Variants in STRC observed in about 807,000 individuals in gnomAD.
The protein encoded by STRC is stereocilin.
STRC carries 43 observed loss-of-function variants against 103.5 expected under a neutral mutation model. That is an observed-to-expected ratio of 0.42 (90% CI 0.33 to 0.54). The LOEUF (loss-of-function observed/expected upper bound fraction) is 0.54, where lower values mean the gene tolerates loss of function less well. Among genes scored for constraint, STRC ranks in the 20% least tolerant of loss-of-function variants. STRC has a pLI of 0.14. For missense variants in STRC, 499 were observed against 1,088.5 expected (o/e 0.46, Z 7.62); for synonymous variants, 186 against 442.3 (o/e 0.42, Z 7.27).
intron 23 of STRC, among the ~76,000 whole-genome samples, chr15:43,602,995 CTG>C (rs754523343): frequency 2.0e-5 from 3 of 151,916 alleles, no homozygotes; most frequent in Non-Finnish European, 4.4e-5. Context: ...AGAAAAAAAT[CTG>C]TTCCCTTGAT....
chr15:43,603,770 G>A (rs1263480833), intron 22 of STRC, among the ~76,000 whole-genome samples: 1 of 151,896 alleles, frequency 6.6e-6, no homozygotes, highest in Non-Finnish European at 1.5e-5. Context: ...GAGCAGACAC[G>A]AGAGAGCAGG....
At chr15:43,606,623 T>C (rs1320361185) in intron 18 of STRC, among the ~76,000 whole-genome samples, 2 of 122,206 alleles carry the variant, frequency 1.6e-5, no homozygotes, top group Non-Finnish European at 3.5e-5. Context: ...AATAAACAAA[T>C]AAATAAATAA....
In STRC at chr15:43,611,097, C is replaced by T. The variant is rs919085228; in HGVS notation, c.3306+51G>A. On this transcript the variant is annotated intron_variant, in intron 13 of 28. Coordinates refer to ENST00000450892, the MANE Select transcript of STRC (RefSeq NM_153700.2). ...TCAGGGAAGATGCCTTCCTCCCAAC[C>T]AGAAAGAGCCGGTATCCCTGATTAT... 5 of 1,521,720 alleles carry T rather than the reference C, an allele frequency of 3.3e-6. 1 individual carries two copies. The highest frequency in any genetic ancestry group is 4.5e-6 in the Non-Finnish European group (5 of 1,109,378). The allele number at this position is 1,521,720 out of a possible 1,614,324, so 94.3% of individuals were successfully genotyped here.
rs187342160 is a variant in STRC at position 43,603,354 on chromosome 15, G to A, written c.4433C>T (p.Thr1478Ile). Residue 1478 changes from threonine to isoleucine, a missense_variant, in exon 23 of 29, where the codon ACC (threonine) becomes ATC (isoleucine). Thr to Ile is a moderately conservative substitution (Grantham distance 89). Coordinates refer to ENST00000450892, the MANE Select transcript of STRC (RefSeq NM_153700.2). ...TGAGAGCTCCATCTCTGCAATCTGG[G>A]TTGCAGACCAGGCTGCTGGGAATGT... ...RGTFPAAWSA[T>I]QIAEMELSDF... 169 of 1,613,700 alleles carry A rather than the reference G, an allele frequency of 1.0e-4. 8 individuals carry two copies. The Admixed American group carries it at 2.8e-3, about 27-fold the overall frequency.
rs372113043 is a variant in STRC, at chr15:43,600,131, T to G, written c.5092-24A>C. 3.7e-6 allele frequency: 6 copies of G among 1,608,202 alleles called. 1 individual carries two copies. The African/African-American group carries it at 5.4e-5, about 14-fold the overall frequency. On this transcript the variant is annotated intron_variant, in intron 27 of 28. Transcript: ENST00000450892. ...ACCTGAGGGCAGGGGTAGGAATCAG[T>G]GCATGCATGTAGTCCCCATTGGGCC... is the stretch of plus-strand genomic sequence containing the variant.
At chr15:43,602,708 G>A (rs1026699239) in intron 23 of STRC, 1 of 134,250 alleles carries the variant, frequency 7.4e-6, no homozygotes, top group Non-Finnish European at 1.5e-5. Context: ...GCATTGGCTT[G>A]ACTTCGGCTC....
At position 43,600,613 on chromosome 15, in the gene STRC, G is replaced by T; in HGVS notation, c.4914C>A (p.His1638Gln). 6.2e-7 allele frequency: 1 copy of T among 1,613,800 alleles called. No individual in the cohort carries two copies. The highest frequency in any genetic ancestry group is 2.2e-5 in the East Asian group (1 of 44,870). ...CSEEQLEVLAHLLVLPGGFGP... is the reference protein window; with the variant it reads ...CSEEQLEVLAQLLVLPGGFGP... ...CAAACCCACCAGGCAGTACAAGTAG[G>T]TGGGCCAGAACCTCCAGTTGTTCCT... is the stretch of plus-strand genomic sequence containing the variant. Residue 1638 changes from histidine to glutamine, a missense_variant, in exon 26 of 29, where the codon CAC (histidine) becomes CAA (glutamine). His to Gln is a conservative substitution (Grantham distance 24). Coordinates refer to ENST00000450892, the MANE Select transcript of STRC (RefSeq NM_153700.2).
rs768775965 is a variant in STRC at position 43,600,615 on chromosome 15, G to A, written c.4912C>T (p.His1638Tyr). ...AACCCACCAGGCAGTACAAGTAGGTGGGCCAGAACCTCCAGTTGTTCCTCA... is the reference window on the plus strand; with the variant it reads ...AACCCACCAGGCAGTACAAGTAGGTAGGCCAGAACCTCCAGTTGTTCCTCA... ...CSEEQLEVLA[H>Y]LLVLPGGFGP... Residue 1638 changes from histidine (H) to tyrosine (Y), a missense_variant, in exon 26 of 29, where the codon CAC becomes TAC. Physicochemically the swap from His to Tyr is moderately conservative, Grantham distance 83 (BLOSUM62 2). Coordinates refer to ENST00000450892, the MANE Select transcript of STRC (RefSeq NM_153700.2). 1.1e-5 allele frequency: 17 copies of A among 1,613,640 alleles called. No homozygotes were observed. In the South Asian group the frequency reaches 1.3e-4, roughly 13 times the overall value.
chr15:43,603,851 T>G, intron 22 of STRC, 145 bp downstream of exon 22: 1 of 1,468,334 alleles, frequency 6.8e-7, no homozygotes, highest in Non-Finnish European at 9.2e-7. Context: ...ATTCTAGAAC[T>G]ACAAGAGGCT....
At chr15:43,600,391 T>C (rs1171870657) in intron 26 of STRC, 98 bp from the exon 27 acceptor site, 4 of 1,252,348 alleles carry the variant, frequency 3.2e-6, no homozygotes, top group South Asian at 1.3e-5. Flanking sequence ...TGCCCTATCA[T>C]AGACCTTCCC....
At position 43,611,308 on chromosome 15, in the gene STRC, AG is replaced by A. The variant is rs2085747017; in HGVS notation, c.3145del (p.Leu1049TrpfsTer92). ...GRLLPRHDLS[L>X]EELCSLHLLL... Reference sequence around the variant, plus strand: ...AAGGTGCAAGGAGCAGAGTTCCTCCAGGGATAGCTAAAGAGCAAGAGAGACA... The same window carrying A: ...AAGGTGCAAGGAGCAGAGTTCCTCCAGGATAGCTAAAGAGCAAGAGAGACA... On this transcript the variant is annotated frameshift_variant, in exon 13 of 29. Coordinates refer to ENST00000450892, the MANE Select transcript of STRC (RefSeq NM_153700.2). LOFTEE classifies it high-confidence loss of function. 1.7e-6 allele frequency: 1 copy of A among 572,544 alleles called. No homozygotes were observed. Among genetic ancestry groups the A allele is most frequent in the Non-Finnish European group, 3.0e-6 (1 of 330,406 alleles). The allele number at this position is 572,544 out of a possible 1,614,324, so 35.5% of individuals were successfully genotyped here.
chr15:43,611,083 G>A (rs1227600338), intron 13 of STRC, 65 bp downstream of exon 13: 16 of 1,557,766 alleles, frequency 1.0e-5, no homozygotes, highest in Non-Finnish European at 1.4e-5. Context: ...CAGGGAAGAT[G>A]CCTTCCTCCC....
intron 23 of STRC, 120 bp from the exon 24 acceptor site, chr15:43,601,671 CT>C: frequency 9.7e-7 from 1 of 1,029,706 alleles, no homozygotes; most frequent in Non-Finnish European, 1.5e-6. Flanking sequence ...TTTGCCTTTT[CT>C]TTAGTTTCCT....
chr15:43,604,248 C>T, intron 21 of STRC, 96 bp from the exon 22 acceptor site: 1 of 1,593,492 alleles, frequency 6.3e-7, no homozygotes, highest in South Asian at 1.1e-5. Flanking sequence ...GTTTTGCAGT[C>T]TCCCCCCAGA....
At position 43,604,600 on chromosome 15, in the gene STRC, G is replaced by C. The variant is rs2614822; in HGVS notation, c.4127+50C>G. The C allele has an allele frequency of 0.13, 208,534 of 1,612,396 alleles. 21,829 individuals carry two copies. The highest frequency in any genetic ancestry group is 0.49 in the African/African-American group (36,486 of 74,714). ...GGCTGCCACTGATGATGGTGGCTGA[G>C]GGACTGGGTATAGAATGAGTTAGAA... On this transcript the variant is annotated intron_variant, in intron 20 of 28. Coordinates refer to ENST00000450892, the MANE Select transcript of STRC (RefSeq NM_153700.2).
chr15:43,611,408 G>T (rs1256631614), intron 12 of STRC, 91 bp downstream of exon 12: 2 of 453,294 alleles, frequency 4.4e-6, no homozygotes, highest in African/African-American at 1.2e-4. Context: ...AAGTATGAGG[G>T]GAGCGGAGAG....
rs748335484 is a variant in STRC at position 43,604,624 on chromosome 15, A to G, written c.4127+26T>C. On this transcript the variant is annotated intron_variant, in intron 20 of 28. Coordinates refer to ENST00000450892, the MANE Select transcript of STRC (RefSeq NM_153700.2). ...AGGGACTGGGTATAGAATGAGTTAG[A>G]ATCTGAAGTTCTCGAAGGTCCATAC... 22 of 1,613,456 alleles carry G rather than the reference A, an allele frequency of 1.4e-5. 1 individual carries two copies. The highest frequency in any genetic ancestry group is 1.6e-5 in the Non-Finnish European group (19 of 1,179,636).
rs2920791 is a variant in STRC at position 43,600,609 on chromosome 15, G to A, written c.4918C>T (p.Leu1640Phe). The change falls in exon 26 of 29, where the codon CTT becomes TTT. Residue 1640 changes from leucine (L) to phenylalanine (F), a missense_variant. Transcript: ENST00000450892. ...GGGCCAAACCCACCAGGCAGTACAA[G>A]TAGGTGGGCCAGAACCTCCAGTTGT... Reference protein sequence around the residue: ...EEQLEVLAHLLVLPGGFGPIS... With the variant: ...EEQLEVLAHLFVLPGGFGPIS... 2,950 of 1,606,082 alleles carry A rather than the reference G, an allele frequency of 1.8e-3. 29 individuals are homozygous for A. Among genetic ancestry groups the A allele is most frequent in the Non-Finnish European group, 2.2e-3 (2,594 of 1,174,814 alleles).
chr15:43,602,349 G>T (rs933188373), intron 23 of STRC, among the ~76,000 whole-genome samples: 3 of 151,558 alleles, frequency 2.0e-5, no homozygotes, highest in African/African-American at 7.3e-5. Flanking sequence ...CCCAGCTAAT[G>T]TTTTTTCTAT....
Sources: allele counts gnomAD v4.1 joint callset (sites outside exome capture counted in the v4.1 genomes callset), GRCh38; gene constraint gnomAD v4.1.1; transcripts MANE v1.5; gene names NCBI Gene and HGNC (gene_info 2026-07-23, HGNC 2026-07-21).